Variants in ZNF732 observed in about 807,000 individuals in gnomAD.
ZNF732 encodes the protein zinc finger protein 732.
Under a neutral mutation model 11.5 loss-of-function variants are expected in ZNF732, and 12 were observed. The observed-to-expected ratio is 1.05, with a 90% CI of 0.67 to 1.70. The LOEUF is 1.70. Ranked by LOEUF, ZNF732 falls within the 40% of genes most tolerant of loss-of-function variation. The pLI, the probability that ZNF732 is intolerant of heterozygous loss-of-function variation, is 0.00. For missense variants in ZNF732, 702 were observed against 676.9 expected (o/e 1.04, Z -0.41); for synonymous variants, 231 against 236.5 (o/e 0.98, Z 0.21).
chr4:301,180 A>G (rs1720110028), intron 1 of ZNF732, among the ~76,000 whole-genome samples: 1 of 152,310 alleles, frequency 6.6e-6, no homozygotes, highest in Admixed American at 6.5e-5. Flanking sequence ...ACCATCTCAC[A>G]CCAGTTAGAA....
intron 1 of ZNF732, among the ~76,000 whole-genome samples, 192 bp downstream of exon 1, chr4:305,116 G>A (rs1720204297): frequency 1.3e-5 from 2 of 152,162 alleles, no homozygotes; most frequent in South Asian, 4.1e-4. Context: ...GCACAAGTAG[G>A]GCTGCAGGCT....
At chr4:292,564 A>C (rs1553841486) in intron 3 of ZNF732, among the ~76,000 whole-genome samples, 1 of 151,618 alleles carries the variant, frequency 6.6e-6, no homozygotes, top group Non-Finnish European at 1.5e-5. Context: ...TCTCAAAAAA[A>C]AAAAAAAAAA....
chr4:286,938 G>A (rs1462363300), intron 3 of ZNF732, among the ~76,000 whole-genome samples: 1 of 152,114 alleles, frequency 6.6e-6, no homozygotes, highest in Non-Finnish European at 1.5e-5. Context: ...GGATCACGGG[G>A]TCAGGAGATC....
chr4:296,688 G>C (rs1339051110), intron 1 of ZNF732, among the ~76,000 whole-genome samples: 1 of 152,102 alleles, frequency 6.6e-6, no homozygotes, highest in Admixed American at 6.5e-5. Context: ...CGGCCTCACT[G>C]TAACAAAATT....
At chr4:280,937 TG>T (rs377442519) in intron 3 of ZNF732, among the ~76,000 whole-genome samples, 2,427 of 152,274 alleles carry the variant, frequency 0.016, 61 homozygotes, top group African/African-American at 0.055. Flanking sequence ...AGTCATGGTG[TG>T]GAAGGAATCC....
At chr4:294,147 C>T (rs911468996) in intron 3 of ZNF732, among the ~76,000 whole-genome samples, 39 of 152,092 alleles carry the variant, frequency 2.6e-4, no homozygotes, top group African/African-American at 9.4e-4. Context: ...ATTACAGGCG[C>T]CCCCCACCAT....
At chr4:280,828 G>A (rs1553839651) in intron 3 of ZNF732, among the ~76,000 whole-genome samples, 3 of 152,134 alleles carry the variant, frequency 2.0e-5, no homozygotes, top group Non-Finnish European at 4.4e-5. Context: ...AGACACCTAG[G>A]AGAATTTCTA....
chr4:303,477 C>G (rs754983797), intron 1 of ZNF732, among the ~76,000 whole-genome samples: 5 of 152,014 alleles, frequency 3.3e-5, no homozygotes, highest in Admixed American at 1.3e-4. Flanking sequence ...ATTAGCTGGG[C>G]GTGGTGGCAC....
chr4:299,385 ACATATGTACACATATGTG>A (rs1720035795), intron 1 of ZNF732, among the ~76,000 whole-genome samples: 1 of 92,766 alleles, frequency 1.1e-5, no homozygotes, highest in Admixed American at 1.5e-4. Context: ...ATATATATAC[ACATATGTACACATATGTG>A]TATATATATA....
At position 271,328 on chromosome 4, in the gene ZNF732, G is replaced by A. The variant is rs1553837334; in HGVS notation, c.1529C>T (p.Ala510Val). The change falls in exon 4 of 4, where the codon GCC becomes GTC. Residue 510 changes from alanine (A) to valine (V), a missense_variant. Around this residue, in one of 3 missense-constraint regions of ZNF732, gnomAD observed 94 missense variants for 87.5 expected, o/e 1.07. Transcript: ENST00000419098. ...ACTCAGGTATGTGGACCATCCAAAGGCTTTGCCACACTCTTCACATTCGTA... is the reference window on the plus strand; with the variant it reads ...ACTCAGGTATGTGGACCATCCAAAGACTTTGCCACACTCTTCACATTCGTA... ...KPYECEECGK[A>V]FGWSTYLSKH... The A allele has an allele frequency of 5.0e-6, 8 of 1,602,340 alleles. No homozygotes were observed. The highest frequency in any genetic ancestry group is 6.8e-6 in the Non-Finnish European group (8 of 1,173,948).
chr4:284,472 T>G (rs1161259025), intron 3 of ZNF732, among the ~76,000 whole-genome samples: 4 of 152,040 alleles, frequency 2.6e-5, no homozygotes, highest in Non-Finnish European at 4.4e-5. Context: ...TTAAAAAATC[T>G]CAAACACTGT....
At chr4:298,222 C>A (rs1265456402) in intron 1 of ZNF732, among the ~76,000 whole-genome samples, 11 of 152,158 alleles carry the variant, frequency 7.2e-5, no homozygotes, top group African/African-American at 2.7e-4. Flanking sequence ...CCAAATGAAG[C>A]TTAAGTGTCC....
chr4:303,211 T>C (rs1420996446), intron 1 of ZNF732, among the ~76,000 whole-genome samples: 1 of 152,176 alleles, frequency 6.6e-6, no homozygotes, highest in Non-Finnish European at 1.5e-5. Context: ...TTTATTTCTG[T>C]AAAATTGTTT....
At chr4:287,568 T>C (rs887622568) in intron 3 of ZNF732, among the ~76,000 whole-genome samples, 1 of 152,098 alleles carries the variant, frequency 6.6e-6, no homozygotes, top group African/African-American at 2.4e-5. Context: ...TATTGTCAAA[T>C]GACAATACTA....
chr4:286,743 C>G (rs572539469), intron 3 of ZNF732, among the ~76,000 whole-genome samples: 1 of 152,304 alleles, frequency 6.6e-6, no homozygotes, highest in South Asian at 2.1e-4. Flanking sequence ...GTTTGTTATA[C>G]AGGTAAACTT....
Position 271,179 on chromosome 4 carries a change from A to G in ZNF732, c.1678T>C (p.Cys560Arg), listed in dbSNP as rs1719346811. 5.1e-6 allele frequency: 8 copies of G among 1,554,196 alleles called. No homozygotes were observed. Among genetic ancestry groups the G allele is most frequent in the Non-Finnish European group, 7.0e-6 (8 of 1,148,456 alleles). The change falls in exon 4 of 4, where the codon TGT (cysteine) becomes CGT (arginine). Residue 560 changes from cysteine (C) to arginine (R), a missense_variant. Cys to Arg is a radical substitution (Grantham distance 180). Coordinates refer to ENST00000419098, the MANE Select transcript of ZNF732 (RefSeq NM_001137608.3). Reference sequence around the variant, plus strand: ...TTAAAGGCTTTGCCACATCCTTTACATTTGGGGGTTTTATCTCCAGTATGA... The same window carrying G: ...TTAAAGGCTTTGCCACATCCTTTACGTTTGGGGGTTTTATCTCCAGTATGA... ...TIHTGDKTPK[C>R]KGCGKAFKWS...
rs1200587602 is a variant in ZNF732 at position 297,611 on chromosome 4, A to T, written c.4-1456T>A. On this transcript the variant is annotated intron_variant, in intron 1 of 3. Transcript: ENST00000419098. Reference sequence around the variant, plus strand: ...TTGTGTTGTATTTAAGATTTGTAAAAAAAAAAAAAAAAAAAAAAAAACTGC... The same window carrying T: ...TTGTGTTGTATTTAAGATTTGTAAATAAAAAAAAAAAAAAAAAAAAACTGC... Among the ~76,000 whole-genome samples the T allele has an allele frequency of 4.1e-4, 58 of 142,870 alleles. 1 individual carries two copies. Among genetic ancestry groups the T allele is most frequent in the African/African-American group, 1.3e-3 (51 of 37,844 alleles). The allele number at this position is 142,870 out of a possible 152,430, so 93.7% of individuals were successfully genotyped here. A position where few individuals can be genotyped will look rare whatever the true frequency, so the allele number is the denominator to read the frequency against.
chr4:297,607 T>TAAA (rs57681246), intron 1 of ZNF732, among the ~76,000 whole-genome samples: 124 of 100,980 alleles, frequency 1.2e-3, no homozygotes, highest in Middle Eastern at 5.3e-3. Context: ...TTAAGATTTG[T>TAAA]AAAAAAAAAA....
At chr4:281,636 G>A (rs1304361838) in intron 3 of ZNF732, among the ~76,000 whole-genome samples, 1 of 152,060 alleles carries the variant, frequency 6.6e-6, no homozygotes, top group Non-Finnish European at 1.5e-5. Context: ...TACGTGACCC[G>A]GATTCCAAAG....
Sources: allele counts gnomAD v4.1 joint callset (sites outside exome capture counted in the v4.1 genomes callset), GRCh38; gene constraint gnomAD v4.1.1; regional missense constraint gnomAD v4.1.1; transcripts MANE v1.5; gene names NCBI Gene and HGNC (gene_info 2026-07-23, HGNC 2026-07-21).